The following PCDH9 variants were observed in gnomAD, a reference collection of about 807,000 sequenced individuals.
PCDH9 encodes protocadherin 9, also known as protocadherin-9.
PCDH9 carries 24 observed loss-of-function variants against 70.6 expected under a neutral mutation model. The ratio of observed to expected loss-of-function variants is 0.34; its 90% CI spans 0.25 to 0.48. The LOEUF is 0.48. Ranked by LOEUF, PCDH9 falls within the 20% of genes least tolerant of loss-of-function variation. PCDH9 has a pLI of 0.99. For synonymous variants in PCDH9, 562 were observed against 558.5 expected (o/e 1.01, Z -0.09); for missense variants, 1,281 against 1,503.6 (o/e 0.85, Z 2.45).
intron 2 of PCDH9, among the ~76,000 whole-genome samples, chr13:67,000,497 TAA>T (rs60553013): frequency 2.7e-5 from 4 of 150,744 alleles, no homozygotes; most frequent in East Asian, 1.9e-4. Context: ...TAAAATAAAA[TAA>T]AAAAAAGACT....
intron 4 of PCDH9, among the ~76,000 whole-genome samples, chr13:66,399,469 A>G (rs2138290451): frequency 6.6e-6 from 1 of 152,328 alleles, no homozygotes; most frequent in Middle Eastern, 3.4e-3. Flanking sequence ...AAAATAGGAA[A>G]CTGGGAAAAG....
chr13:67,166,208 T>C (rs1028983139), intron 2 of PCDH9, among the ~76,000 whole-genome samples: 2 of 152,206 alleles, frequency 1.3e-5, no homozygotes, highest in African/African-American at 4.8e-5. Flanking sequence ...TCTCCTTTGA[T>C]ACAATTATGA....
intron 3 of PCDH9, among the ~76,000 whole-genome samples, chr13:66,737,422 C>A (rs919170627): frequency 2.6e-5 from 4 of 152,246 alleles, no homozygotes; most frequent in Admixed American, 6.5e-5. Context: ...AGTGGGCTAC[C>A]CACATGAGTT....
intron 2 of PCDH9, chr13:66,977,507 A>C (rs543068641): frequency 9.9e-5 from 15 of 152,266 alleles, no homozygotes; most frequent in African/African-American, 3.6e-4. Context: ...GTTGTCTTAA[A>C]GGCTTTATTA....
chr13:66,384,028 G>A (rs1378309008), intron 4 of PCDH9, among the ~76,000 whole-genome samples: 3 of 151,904 alleles, frequency 2.0e-5, no homozygotes, highest in Non-Finnish European at 4.4e-5. Flanking sequence ...AGTATAAATG[G>A]TAATTTCGAC....
intron 3 of PCDH9, among the ~76,000 whole-genome samples, chr13:66,635,254 T>C (rs1044899081): frequency 1.3e-5 from 2 of 152,180 alleles, no homozygotes; most frequent in African/African-American, 4.8e-5. Flanking sequence ...TTTATTATTA[T>C]TGCCTCTGTC....
At chr13:66,751,170 C>T (rs942993450) in intron 3 of PCDH9, among the ~76,000 whole-genome samples, 5 of 152,044 alleles carry the variant, frequency 3.3e-5, no homozygotes, top group Non-Finnish European at 7.4e-5. Flanking sequence ...ACATACGTAC[C>T]TTGCAAGTTC....
At chr13:66,429,553 T>C (rs1662146655) in intron 4 of PCDH9, among the ~76,000 whole-genome samples, 1 of 151,468 alleles carries the variant, frequency 6.6e-6, no homozygotes, top group Admixed American at 6.6e-5. Context: ...GGATACAAAA[T>C]ACTGAGTTTG....
At chr13:66,313,280 A>G (rs1955595031) in intron 4 of PCDH9, among the ~76,000 whole-genome samples, 1 of 152,182 alleles carries the variant, frequency 6.6e-6, no homozygotes, top group African/African-American at 2.4e-5. Flanking sequence ...ACTTTCTTCT[A>G]TAGTTCATCA....
intron 4 of PCDH9, among the ~76,000 whole-genome samples, chr13:66,451,095 A>G (rs1448325182): frequency 2.0e-5 from 3 of 152,226 alleles, no homozygotes; most frequent in Non-Finnish European, 4.4e-5. Flanking sequence ...CCAACATGGC[A>G]CATGTATACA....
At position 66,582,448 on chromosome 13, in the gene PCDH9, C is replaced by T. The variant is rs141886599; in HGVS notation, c.3340+48762G>A. 6.6e-5 allele frequency among the ~76,000 whole-genome samples: 10 copies of T among 152,184 alleles called. No individual in the cohort carries two copies. The East Asian group carries it at 1.9e-3, about 29-fold the overall frequency. ...AGGAGTTCAACACCAGCCTGGACAACATGGCAAAACCCTTTCTCTACTAAA... is the reference window on the plus strand; with the variant it reads ...AGGAGTTCAACACCAGCCTGGACAATATGGCAAAACCCTTTCTCTACTAAA... On this transcript the variant is annotated intron_variant, in intron 4 of 4. Coordinates refer to ENST00000377865, the MANE Select transcript of PCDH9 (RefSeq NM_203487.3).
chr13:67,000,719 T>A (rs2139819291), intron 2 of PCDH9, among the ~76,000 whole-genome samples: 1 of 152,306 alleles, frequency 6.6e-6, no homozygotes, highest in South Asian at 2.1e-4. Context: ...AATCAATATT[T>A]CTTTGTGCAG....
At chr13:66,799,304 G>C (rs2080291899) in intron 3 of PCDH9, among the ~76,000 whole-genome samples, 1 of 152,168 alleles carries the variant, frequency 6.6e-6, no homozygotes, top group Non-Finnish European at 1.5e-5. Context: ...ACGGAACGAG[G>C]AAAAGCAGTC....
rs1452249228 is a variant in PCDH9 at position 67,022,700 on chromosome 13, TTC to T, written c.3037-119097_3037-119096del. Among the ~76,000 whole-genome samples the T allele has an allele frequency of 2.6e-5, 4 of 152,180 alleles. No individual in the cohort carries two copies. In the South Asian group the frequency reaches 8.3e-4, roughly 32 times the overall value. ...AGTCACATTTAATAAAGATGAATCT[TTC>T]TAGCCGTTCAACACCCTCACCTATT... On this transcript the variant is annotated intron_variant, in intron 2 of 4. Coordinates refer to ENST00000377865, the MANE Select transcript of PCDH9 (RefSeq NM_203487.3).
intron 4 of PCDH9, among the ~76,000 whole-genome samples, chr13:66,529,092 A>C (rs1960331293): frequency 6.6e-6 from 1 of 152,076 alleles, no homozygotes. Flanking sequence ...CTCCAAGTAT[A>C]TAATAAATCA....
chr13:66,930,886 A>G (rs2139660895), intron 2 of PCDH9, among the ~76,000 whole-genome samples: 1 of 152,298 alleles, frequency 6.6e-6, no homozygotes, highest in South Asian at 2.1e-4. Context: ...TGACCTCCAT[A>G]TAAGAAGCAC....
chr13:66,611,459 T>C (rs2077292995), intron 4 of PCDH9, among the ~76,000 whole-genome samples: 1 of 152,178 alleles, frequency 6.6e-6, no homozygotes, highest in Non-Finnish European at 1.5e-5. Flanking sequence ...CTAAACCTAC[T>C]TGAGATGATT....
At chr13:66,823,424 A>C (rs1478546244) in intron 3 of PCDH9, among the ~76,000 whole-genome samples, 3 of 151,644 alleles carry the variant, frequency 2.0e-5, no homozygotes, top group African/African-American at 7.2e-5. Context: ...TATAAAGATA[A>C]ATTATATTAT....
chr13:66,650,426 A>G (rs1239686411), intron 3 of PCDH9, among the ~76,000 whole-genome samples: 12 of 152,032 alleles, frequency 7.9e-5, no homozygotes, highest in Non-Finnish European at 1.5e-5. Flanking sequence ...AAGAGTATAT[A>G]CCAATTGTAA....
Sources: allele counts gnomAD v4.1 joint callset (sites outside exome capture counted in the v4.1 genomes callset), GRCh38; gene constraint gnomAD v4.1.1; transcripts MANE v1.5; gene names NCBI Gene and HGNC (gene_info 2026-07-23, HGNC 2026-07-21).